CLDN16: variants seen among roughly 807,000 people sequenced by gnomAD.
CLDN16 encodes the protein claudin-16.
Under a neutral mutation model 24.6 loss-of-function variants are expected in CLDN16, and 13 were observed. That is an observed-to-expected ratio of 0.53 (90% CI 0.34 to 0.84). The LOEUF is 0.84. Among genes scored for constraint, CLDN16 ranks in the 40% least tolerant of loss-of-function variants. CLDN16 has a pLI of 0.01. For missense variants in CLDN16, 298 were observed against 292.7 expected (o/e 1.02, Z -0.13); for synonymous variants, 116 against 106.7 (o/e 1.09, Z -0.54).
chr3:190,371,016 T>TTATATATA (rs141854157), intron 2 of CLDN16: 27 of 13,876 alleles, frequency 1.9e-3, no homozygotes, highest in African/African-American at 3.5e-3. Flanking sequence ...GTTAATACCT[T>TTATATATA]TATATATATA....
At chr3:190,362,807 A>G (rs1717927355) in intron 1 of CLDN16, among the ~76,000 whole-genome samples, 1 of 151,988 alleles carries the variant, frequency 6.6e-6, no homozygotes, top group African/African-American at 2.4e-5. Context: ...TAATAAGGGT[A>G]GGCTACTGTA....
chr3:190,363,596 A>ATATT (rs1460049752), intron 1 of CLDN16, among the ~76,000 whole-genome samples: 11 of 131,174 alleles, frequency 8.4e-5, no homozygotes, highest in Non-Finnish European at 1.1e-4. Context: ...ATATATATAT[A>ATATT]TTTTCTTTCT....
At chr3:190,360,451 G>A (rs1445296153) in intron 1 of CLDN16, among the ~76,000 whole-genome samples, 1 of 151,928 alleles carries the variant, frequency 6.6e-6, no homozygotes. Flanking sequence ...ATTTTAGGAA[G>A]TCTTCTCAAT....
At chr3:190,330,254 G>T in intron 1 of CLDN16, among the ~76,000 whole-genome samples, 1 of 152,094 alleles carries the variant, frequency 6.6e-6, no homozygotes, top group East Asian at 1.9e-4. Context: ...TTGTTTCATT[G>T]TGAAATATTG....
At chr3:190,403,915 T>C (rs1019710724) in intron 2 of CLDN16, among the ~76,000 whole-genome samples, 1 of 152,008 alleles carries the variant, frequency 6.6e-6, no homozygotes, top group African/African-American at 2.4e-5. Context: ...GATAAGAAAA[T>C]GAAAAATTAA....
At chr3:190,400,376 G>T (rs1475337919) in intron 1 of CLDN16, among the ~76,000 whole-genome samples, 1 of 151,984 alleles carries the variant, frequency 6.6e-6, no homozygotes, top group Non-Finnish European at 1.5e-5. Flanking sequence ...GGGATTACAG[G>T]CACGCACCAC....
chr3:190,388,682 A>G lies in CLDN16; in HGVS notation c.114+239A>G, dbSNP rs537651886. Among the ~76,000 whole-genome samples the G allele has an allele frequency of 3.9e-5, 6 of 152,228 alleles. No individual in the cohort carries two copies. In the East Asian group the frequency reaches 9.7e-4, roughly 25 times the overall value. ...TTACTAAATAGTTCCTCCTTTTTTC[A>G]CAAGGATAAATTTCCACAAGGGTAA... On this transcript the variant is annotated intron_variant, in intron 1 of 4. Transcript: ENST00000264734.
chr3:190,331,167 T>C (rs1294677416), intron 1 of CLDN16, among the ~76,000 whole-genome samples: 2 of 152,362 alleles, frequency 1.3e-5, no homozygotes, highest in East Asian at 3.9e-4. Context: ...TGTCTGATTA[T>C]GCCTGCCCTT....
In CLDN16 at chr3:190,388,354, G is replaced by A. The variant is rs965435011; in HGVS notation, c.25G>A (p.Ala9Thr). 7 of 1,614,010 alleles carry A rather than the reference G, an allele frequency of 4.3e-6. No individual in the cohort carries two copies. The highest frequency in any genetic ancestry group is 3.4e-6 in the Non-Finnish European group (4 of 1,180,000). The part of the protein sequence containing the change: MRDLLQYI[A>T]CFFAFFSAGF... ...AATGAGGGATCTTCTTCAATACATC[G>A]CTTGCTTCTTTGCCTTTTTCTCTGC... Residue 9 changes from alanine (A) to threonine (T), a missense_variant, in exon 1 of 5, where the codon GCT becomes ACT. Transcript: ENST00000264734.
intron 1 of CLDN16, among the ~76,000 whole-genome samples, chr3:190,355,373 T>C (rs957758659): frequency 3.3e-5 from 5 of 151,940 alleles, no homozygotes; most frequent in African/African-American, 4.8e-5. Flanking sequence ...ATTATTGGCC[T>C]GTTAAAAATC....
chr3:190,354,771 C>T (rs994476420), intron 1 of CLDN16, among the ~76,000 whole-genome samples: 17 of 151,928 alleles, frequency 1.1e-4, no homozygotes, highest in Non-Finnish European at 2.4e-4. Context: ...AAACAGCTAG[C>T]GAGAAGCAGG....
Position 190,408,249 on chromosome 3 carries a change from G to C in CLDN16, c.383-65G>C. The C allele has an allele frequency of 4.1e-6, 6 of 1,461,696 alleles. No homozygotes were observed. In the South Asian group the frequency reaches 6.8e-5, roughly 17 times the overall value. 90.5% of individuals were successfully genotyped at this position (1,461,696 alleles called of 1,614,324 possible). ...CGCCAGCCATTTTGTGTAGTAAGCA[G>C]GTATTTTTGGATTTAAATTCAGAAA... is the stretch of plus-strand genomic sequence containing the variant. On this transcript the variant is annotated intron_variant, in intron 3 of 4. Transcript: ENST00000264734.
chr3:190,399,017 G>C (rs898369368), intron 1 of CLDN16, among the ~76,000 whole-genome samples: 1 of 152,088 alleles, frequency 6.6e-6, no homozygotes, highest in African/African-American at 2.4e-5. Flanking sequence ...GTGTTACACA[G>C]GATGAGATAA....
At chr3:190,353,501 T>C (rs894623960) in intron 1 of CLDN16, among the ~76,000 whole-genome samples, 3 of 152,018 alleles carry the variant, frequency 2.0e-5, no homozygotes, top group Admixed American at 6.6e-5. Context: ...TTTAGTTATG[T>C]CTATGGACCA....
chr3:190,325,996 C>A (rs1046816976), intron 1 of CLDN16, among the ~76,000 whole-genome samples: 1 of 152,120 alleles, frequency 6.6e-6, no homozygotes, highest in Non-Finnish European at 1.5e-5. Context: ...CCCTTTGAAG[C>A]TCCTTGGAGT....
chr3:190,395,342 AAG>A (rs1367465897), intron 1 of CLDN16, among the ~76,000 whole-genome samples: 1 of 152,074 alleles, frequency 6.6e-6, no homozygotes, highest in Non-Finnish European at 1.5e-5. Context: ...TTATAAATGT[AAG>A]ATATAAAGTA....
intron 1 of CLDN16, among the ~76,000 whole-genome samples, chr3:190,399,599 G>C (rs1488967809): frequency 6.6e-6 from 1 of 152,128 alleles, no homozygotes; most frequent in Non-Finnish European, 1.5e-5. Context: ...GTGATGTTTT[G>C]ATACATATAA....
At chr3:190,347,528 T>C (rs2108633334) in intron 1 of CLDN16, among the ~76,000 whole-genome samples, 2 of 152,306 alleles carry the variant, frequency 1.3e-5, no homozygotes, top group Middle Eastern at 6.8e-3. Flanking sequence ...TACTAAATAC[T>C]TATGAGTGTC....
chr3:190,363,165 T>C (rs2108642580), intron 1 of CLDN16, among the ~76,000 whole-genome samples: 1 of 152,064 alleles, frequency 6.6e-6, no homozygotes, highest in South Asian at 2.1e-4. Context: ...GTTCAGGTGA[T>C]TTTTATTGCC....
Sources: gnomAD v4.1 joint callset for allele counts (sites outside exome capture counted in the v4.1 genomes callset) on GRCh38, gnomAD v4.1.1 for gene constraint, MANE v1.5 for transcripts, NCBI Gene and HGNC (gene_info 2026-07-23, HGNC 2026-07-21) for gene names.